Variants in IQSEC1 observed in about 807,000 individuals in gnomAD.
IQSEC1 encodes IQ motif and SEC7 domain-containing protein 1.
Under a neutral mutation model 91.0 loss-of-function variants are expected in IQSEC1, and 31 were observed. That is an observed-to-expected ratio of 0.34 (90% CI 0.26 to 0.46). IQSEC1 has a LOEUF of 0.46. Ranked by LOEUF, IQSEC1 falls within the 20% of genes least tolerant of loss-of-function variation. The probability of loss-of-function intolerance (pLI) is 1.00; values close to 1 mark genes in which losing one functional copy is unlikely to be tolerated. For synonymous variants in IQSEC1, 699 were observed against 662.6 expected, an observed-to-expected ratio of 1.05 and a Z score of -0.84; for missense variants, 1,388 against 1,575.6, an observed-to-expected ratio of 0.88 and a Z score of 2.02.
chr3:13,119,699 G>A (rs960029253), intron 2 of IQSEC1, among the ~76,000 whole-genome samples: 4 of 152,262 alleles, frequency 2.6e-5, no homozygotes, highest in Admixed American at 2.0e-4. Context: ...AGGCAGCCTG[G>A]CTGCACGTGG....
intron 1 of IQSEC1, among the ~76,000 whole-genome samples, chr3:13,164,787 T>C (rs1693451986): frequency 6.6e-6 from 1 of 152,228 alleles, no homozygotes. Context: ...TTAAACTCCA[T>C]GCAGCTGATG....
intron 1 of IQSEC1, among the ~76,000 whole-genome samples, chr3:13,236,603 A>G (rs549706838): frequency 2.0e-5 from 3 of 152,094 alleles, no homozygotes; most frequent in Non-Finnish European, 4.4e-5. Context: ...CCTCTCACTG[A>G]GCCAACCATC....
chr3:13,099,518 G>A (rs895236238), intron 2 of IQSEC1, among the ~76,000 whole-genome samples: 2 of 152,136 alleles, frequency 1.3e-5, no homozygotes, highest in Non-Finnish European at 2.9e-5. Context: ...TGCATCTGTG[G>A]CCCTCAGAAG....
chr3:12,980,002 G>A (rs956032512), intron 1 of IQSEC1, among the ~76,000 whole-genome samples: 4 of 152,196 alleles, frequency 2.6e-5, no homozygotes, highest in African/African-American at 7.2e-5. Context: ...AGGCCTCCAC[G>A]TCCTGTTCCA....
Position 12,935,514 on chromosome 3 carries a change from G to A in IQSEC1, c.1502C>T (p.Ser501Leu). The change falls in exon 3 of 14, where the codon TCG (serine) becomes TTG (leucine). Residue 501 changes from serine to leucine, a missense_variant. Ser to Leu is a moderately radical substitution (Grantham distance 145, BLOSUM62 -2). This residue lies in a region of IQSEC1 where 1,059 missense variants were observed against 1,317.8 expected (regional missense o/e 0.80). Transcript: ENST00000613206. The surrounding 1 kb of genome is among the most constrained non-coding windows in gnomAD (Gnocchi z 8.0). ...YHKEARNSWD[S>L]PAFSNDVIRK... The stretch of plus-strand genomic sequence containing the variant: ...GATGACATCGTTGCTAAAGGCAGGC[G>A]AGTCCCAGCTGTTGCGGGCCTCCTT... 2 of 1,613,994 alleles carry A rather than the reference G, an allele frequency of 1.2e-6. No homozygotes were observed. The highest frequency in any genetic ancestry group is 1.7e-6 in the Non-Finnish European group (2 of 1,179,926).
intron 2 of IQSEC1, among the ~76,000 whole-genome samples, chr3:13,145,806 G>C (rs1428330784): frequency 5.0e-4 from 34 of 67,790 alleles, no homozygotes; most frequent in African/African-American, 2.0e-3. Flanking sequence ...CCCGGGGGCG[G>C]GGGGGGGGGG....
chr3:12,985,470 C>G (rs561417819), intron 1 of IQSEC1, among the ~76,000 whole-genome samples: 1 of 146,940 alleles, frequency 6.8e-6, no homozygotes, highest in South Asian at 2.2e-4. Flanking sequence ...ACAGAGACAC[C>G]GTTCTTTACT....
chr3:12,901,364 T>G lies in IQSEC1; in HGVS notation c.2964A>C (p.Ser988=). The change falls in exon 14 of 14, where the codon TCA becomes TCC. Residue 988 remains serine (S), a synonymous_variant. Transcript: ENST00000613206. The stretch of plus-strand genomic sequence containing the variant: ...GGTGGGGGGGTGGCAGGGCTGGGGC[T>G]GAGGGCAGGTGGGCCTGGGGAGGGG... ...GKPPPQAHLP[S]APALPPPHPP... 2 of 1,535,098 alleles carry G rather than the reference T, an allele frequency of 1.3e-6. No individual in the cohort carries two copies. Among genetic ancestry groups the G allele is most frequent in the Non-Finnish European group, 1.8e-6 (2 of 1,140,510 alleles).
chr3:13,083,336 C>A (rs1402239808), intron 2 of IQSEC1, among the ~76,000 whole-genome samples: 1 of 152,226 alleles, frequency 6.6e-6, no homozygotes, highest in Non-Finnish European at 1.5e-5. Flanking sequence ...ACTCACTGGT[C>A]CTTCACCCAC....
At chr3:13,135,949 A>T (rs1376542382) in intron 2 of IQSEC1, among the ~76,000 whole-genome samples, 1 of 151,984 alleles carries the variant, frequency 6.6e-6, no homozygotes, top group Non-Finnish European at 1.5e-5. Flanking sequence ...CTGCCCCAGG[A>T]CTCCCAGTTA....
chr3:13,170,508 G>A (rs190880219), intron 1 of IQSEC1, among the ~76,000 whole-genome samples: 107 of 152,298 alleles, frequency 7.0e-4, no homozygotes, highest in Middle Eastern at 3.4e-3. Flanking sequence ...CTTGCACCAC[G>A]TGTCTGGAAA....
chr3:13,024,454 C>T (rs1274558502), intron 1 of IQSEC1, among the ~76,000 whole-genome samples: 2 of 151,116 alleles, frequency 1.3e-5, no homozygotes. Flanking sequence ...CTCATCCACC[C>T]ATCTGTCCAT....
rs1694076529 is a variant in IQSEC1 at position 12,900,068 on chromosome 3, T to C, written c.*915A>G. On this transcript the variant is annotated 3_prime_UTR_variant, in exon 14 of 14. Coordinates refer to ENST00000613206, the MANE Select transcript of IQSEC1 (RefSeq NM_001134382.3). ...ACAACCAGCTTGTAACCAGCTGTCC[T>C]GAGTTGCTACTGTAGAGTGTACTGC... is the stretch of plus-strand genomic sequence containing the variant. 5.1e-6 allele frequency: 5 copies of C among 984,786 alleles called. No individual in the cohort carries two copies. Among genetic ancestry groups the C allele is most frequent in the Non-Finnish European group, 6.0e-6 (5 of 829,338 alleles). 61.0% of individuals were successfully genotyped at this position (984,786 alleles called of 1,614,324 possible).
In IQSEC1 at chr3:12,911,614, T is replaced by C; in HGVS notation, c.2416+15A>G. On this transcript the variant is annotated intron_variant, in intron 10 of 13. Coordinates refer to ENST00000613206, the MANE Select transcript of IQSEC1 (RefSeq NM_001134382.3). ...GACATGCGCTCTTCCAGGCAGGCCCTGGGGGCAGACTTACACTGGTTCTCG... is the reference window on the plus strand; with the variant it reads ...GACATGCGCTCTTCCAGGCAGGCCCCGGGGGCAGACTTACACTGGTTCTCG... 6.3e-7 allele frequency: 1 copy of C among 1,592,376 alleles called. No homozygotes were observed. The highest frequency in any genetic ancestry group is 8.6e-7 in the Non-Finnish European group (1 of 1,160,540).
intron 1 of IQSEC1, among the ~76,000 whole-genome samples, chr3:13,070,722 G>A (rs1467354979): frequency 2.0e-5 from 3 of 152,206 alleles, no homozygotes; most frequent in Non-Finnish European, 4.4e-5. Flanking sequence ...GGATGGCCTG[G>A]GAGTCACAAT....
intron 1 of IQSEC1, among the ~76,000 whole-genome samples, chr3:13,257,891 T>C (rs1559287989): frequency 6.6e-6 from 1 of 152,216 alleles, no homozygotes; most frequent in African/African-American, 2.4e-5. Context: ...AGCAGCTTCA[T>C]TCATGACTGT....
In IQSEC1 at chr3:13,243,336, C is replaced by G. The variant is rs189551960; in HGVS notation, c.272+39375G>C. 3.9e-5 allele frequency among the ~76,000 whole-genome samples: 6 copies of G among 152,296 alleles called. No individual in the cohort carries two copies. In the East Asian group the frequency reaches 1.2e-3, roughly 29 times the overall value. On this transcript the variant is annotated intron_variant, in intron 1 of 15. Coordinates refer to the IQSEC1 transcript ENST00000648114. ...CAAGACCCTGTGTGTCCACTGAGAGCTACCATGCCAGCTGACCCTCGGACG... is the reference window on the plus strand; with the variant it reads ...CAAGACCCTGTGTGTCCACTGAGAGGTACCATGCCAGCTGACCCTCGGACG...
chr3:13,171,827 C>T (rs1216791511), intron 1 of IQSEC1, among the ~76,000 whole-genome samples: 1 of 152,196 alleles, frequency 6.6e-6, no homozygotes, highest in Non-Finnish European at 1.5e-5. Flanking sequence ...AGAGAGCTTC[C>T]TGCCCAGGGC....
At chr3:13,007,871 G>A (rs1182005573) in intron 1 of IQSEC1, among the ~76,000 whole-genome samples, 1 of 151,510 alleles carries the variant, frequency 6.6e-6, no homozygotes, top group Non-Finnish European at 1.5e-5. Context: ...CCAGAGTCCA[G>A]AGCCCCCAGC....
Sources: allele counts gnomAD v4.1 joint callset (sites outside exome capture counted in the v4.1 genomes callset), GRCh38; gene constraint gnomAD v4.1.1; regional missense constraint gnomAD v4.1.1; non-coding constraint Gnocchi (gnomAD v3.1); transcripts MANE v1.5; gene names NCBI Gene and HGNC (gene_info 2026-07-23, HGNC 2026-07-21).